Variants in PPFIA2 observed in about 807,000 individuals in gnomAD.
PPFIA2 encodes PPFI scaffold protein A2.
In PPFIA2, 46 loss-of-function variants were observed where a neutral mutation model predicts 175.5. That is an observed-to-expected ratio of 0.26 (90% CI 0.21 to 0.34). The LOEUF (loss-of-function observed/expected upper bound fraction) is 0.34, where lower values mean the gene tolerates loss of function less well. Ranked by LOEUF, PPFIA2 falls within the 10% of genes least tolerant of loss-of-function variation. PPFIA2 has a pLI of 1.00. For synonymous variants in PPFIA2, 568 were observed against 511.4 expected, an observed-to-expected ratio of 1.11 and a Z score of -1.49; for missense variants, 1,179 against 1,506.1, an observed-to-expected ratio of 0.78 and a Z score of 3.60.
At chr12:81,468,711 G>A (rs2056194972) in intron 4 of PPFIA2, among the ~76,000 whole-genome samples, 1 of 152,150 alleles carries the variant, frequency 6.6e-6, no homozygotes, top group Non-Finnish European at 1.5e-5. Flanking sequence ...AACATTGTTT[G>A]CTGTTCACTG....
intron 4 of PPFIA2, among the ~76,000 whole-genome samples, chr12:81,658,749 C>T (rs1399693929): frequency 6.6e-6 from 1 of 151,706 alleles, no homozygotes. Context: ...ATATAAATGC[C>T]TTCCAACTTA....
chr12:81,571,014 T>G (rs953906172), intron 4 of PPFIA2, among the ~76,000 whole-genome samples: 1 of 152,042 alleles, frequency 6.6e-6, no homozygotes, highest in Non-Finnish European at 1.5e-5. Flanking sequence ...AGAATATTTA[T>G]TCTATTCATT....
At chr12:81,323,213 A>G (rs2054054033) in intron 22 of PPFIA2, among the ~76,000 whole-genome samples, 1 of 151,374 alleles carries the variant, frequency 6.6e-6, no homozygotes, top group African/African-American at 2.5e-5. Flanking sequence ...CAAATTTGAA[A>G]ATAAGATATT....
intron 13 of PPFIA2, among the ~76,000 whole-genome samples, chr12:81,367,540 CAGA>C (rs1378960871): frequency 2.6e-5 from 4 of 151,564 alleles, no homozygotes; most frequent in Non-Finnish European, 5.9e-5. Context: ...ATAAAAAATT[CAGA>C]AGAACTCACT....
chr12:81,261,905 T>G, intron 32 of PPFIA2, 44 bp downstream of exon 32: 8 of 1,376,922 alleles, frequency 5.8e-6, no homozygotes, highest in Non-Finnish European at 7.0e-6. Context: ...TAGGTTCCAT[T>G]TTTTTGTCTT....
intron 4 of PPFIA2, among the ~76,000 whole-genome samples, chr12:81,482,030 TAAAC>T (rs1190851241): frequency 1.3e-5 from 2 of 151,822 alleles, no homozygotes; most frequent in Non-Finnish European, 2.9e-5. Flanking sequence ...ACAAAGAACT[TAAAC>T]AAATTAACAA....
chr12:81,472,513 T>C (rs928858684), intron 4 of PPFIA2: 16 of 152,204 alleles, frequency 1.1e-4, no homozygotes, highest in African/African-American at 2.9e-4. Flanking sequence ...ATCTTCCTTA[T>C]TATTAGTTTA....
chr12:81,341,990 A>G (rs572313265), intron 19 of PPFIA2, among the ~76,000 whole-genome samples: 111 of 152,220 alleles, frequency 7.3e-4, no homozygotes, highest in African/African-American at 2.5e-3. Flanking sequence ...TAAGAAAAAA[A>G]TCTCTTTTTA....
intron 4 of PPFIA2, among the ~76,000 whole-genome samples, chr12:81,463,242 T>G (rs938085768): frequency 7.9e-5 from 12 of 152,100 alleles, no homozygotes; most frequent in Admixed American, 7.9e-4. Flanking sequence ...CAGAATACAA[T>G]GTATAACACA....
rs1032416287 is a variant in PPFIA2, at chr12:81,443,786, T to G, written c.570+1770A>C. 1.0e-3 allele frequency among the ~76,000 whole-genome samples: 154 copies of G among 152,000 alleles called. 1 individual carries two copies. The highest frequency in any genetic ancestry group is 3.3e-3 in the African/African-American group (136 of 41,458). On this transcript the variant is annotated intron_variant, in intron 6 of 32. Transcript: ENST00000549396. ...TGTGGGTCCTGCTGCTTAGAGTATC[T>G]TTCTCTGCTTAAAAAACCCTTAATC...
At position 81,696,990 on chromosome 12, in the gene PPFIA2, A is replaced by T. The variant is rs888286333; in HGVS notation, c.250-20146T>A. ...TTGACATGTGAAGTTAGAGAATATTAATCTTAAACTCAGGTTTGTTATGAG... is the reference window on the plus strand; with the variant it reads ...TTGACATGTGAAGTTAGAGAATATTTATCTTAAACTCAGGTTTGTTATGAG... On this transcript the variant is annotated intron_variant, in intron 3 of 32. Transcript: ENST00000549396. Among the ~76,000 whole-genome samples, 8 of 152,198 alleles carry T rather than the reference A, an allele frequency of 5.3e-5. No homozygotes were observed. The East Asian group carries it at 1.5e-3, about 29-fold the overall frequency.
intron 7 of PPFIA2, among the ~76,000 whole-genome samples, chr12:81,420,921 A>C (rs1402506296): frequency 1.3e-5 from 2 of 152,208 alleles, no homozygotes; most frequent in Middle Eastern, 3.4e-3. Context: ...GCCAAAAGAA[A>C]AAAGCAACTC....
chr12:81,660,112 A>T (rs1465089517), intron 4 of PPFIA2, among the ~76,000 whole-genome samples: 2 of 152,168 alleles, frequency 1.3e-5, no homozygotes, highest in African/African-American at 4.8e-5. Context: ...GCAGAGCAGA[A>T]AAACTGAAAA....
chr12:81,748,086 T>C (rs2083284743), intron 3 of PPFIA2, among the ~76,000 whole-genome samples: 1 of 144,202 alleles, frequency 6.9e-6, no homozygotes. Flanking sequence ...GAGCCCCAAT[T>C]CAAATTCAGA....
intron 7 of PPFIA2, among the ~76,000 whole-genome samples, chr12:81,407,442 G>A (rs1240199128): frequency 1.3e-5 from 2 of 150,838 alleles, no homozygotes; most frequent in African/African-American, 4.9e-5. Context: ...GAGATTGCGC[G>A]ACTGCACTCC....
chr12:81,327,039 A>G (rs1281482212), intron 21 of PPFIA2, among the ~76,000 whole-genome samples: 1 of 152,092 alleles, frequency 6.6e-6, no homozygotes, highest in Non-Finnish European at 1.5e-5. Flanking sequence ...CCAAGGTGCC[A>G]AAAGCAAATT....
intron 22 of PPFIA2, chr12:81,311,916 T>G: frequency 1.9e-6 from 1 of 533,368 alleles, no homozygotes; most frequent in South Asian, 2.8e-5. Context: ...TCTTTTGACA[T>G]GTGTATAATA....
At chr12:81,367,821 A>G (rs1479423953) in intron 13 of PPFIA2, among the ~76,000 whole-genome samples, 2 of 151,664 alleles carry the variant, frequency 1.3e-5, no homozygotes, top group Non-Finnish European at 3.0e-5. Flanking sequence ...CACAAGTACT[A>G]TAAGACATTA....
At chr12:81,449,138 T>C (rs892734368) in intron 5 of PPFIA2, among the ~76,000 whole-genome samples, 1 of 152,158 alleles carries the variant, frequency 6.6e-6, no homozygotes, top group Non-Finnish European at 1.5e-5. Flanking sequence ...TATTTCTCAA[T>C]GTGCATAAAG....
Sources: gnomAD v4.1 joint callset for allele counts (sites outside exome capture counted in the v4.1 genomes callset) on GRCh38, gnomAD v4.1.1 for gene constraint, MANE v1.5 for transcripts, NCBI Gene and HGNC (gene_info 2026-07-23, HGNC 2026-07-21) for gene names.